ASTN2: variants seen among roughly 807,000 people sequenced by gnomAD.
ASTN2 encodes astrotactin 2, also known as astrotactin-2.
ASTN2 carries 54 observed loss-of-function variants against 139.8 expected under a neutral mutation model. The ratio of observed to expected loss-of-function variants is 0.39; its 90% CI spans 0.31 to 0.48. The LOEUF is 0.48. Ranked by LOEUF, ASTN2 falls within the 20% of genes least tolerant of loss-of-function variation. The pLI, the probability that ASTN2 is intolerant of heterozygous loss-of-function variation, is 0.95. For synonymous variants in ASTN2, 756 were observed against 719.5 expected, an observed-to-expected ratio of 1.05 and a Z score of -0.81; for missense variants, 1,565 against 1,725.1, an observed-to-expected ratio of 0.91 and a Z score of 1.64.
chr9:117,116,834 C>CAAAAAAAAAAA (rs72075422), intron 4 of ASTN2, among the ~76,000 whole-genome samples: 17 of 45,188 alleles, frequency 3.8e-4, no homozygotes, highest in East Asian at 7.8e-4. Context: ...TGGCATGAGC[C>CAAAAAAAAAAA]AAAAAAAAAA....
chr9:117,169,243 G>A (rs1830736926), intron 3 of ASTN2, among the ~76,000 whole-genome samples: 1 of 152,118 alleles, frequency 6.6e-6, no homozygotes, highest in African/African-American at 2.4e-5. Context: ...TCCACCCAGG[G>A]GGTCTTTCTG....
At chr9:116,700,345 C>G (rs1213963629) in intron 16 of ASTN2, 1 of 167,874 alleles carries the variant, frequency 6.0e-6, no homozygotes. Flanking sequence ...TTGAGAATTG[C>G]AGATGTGACA....
At chr9:116,827,306 T>TC (rs372957184) in intron 11 of ASTN2, among the ~76,000 whole-genome samples, 2 of 48,728 alleles carry the variant, frequency 4.1e-5, no homozygotes, top group African/African-American at 1.5e-4. Context: ...CAAAACTCCA[T>TC]CCCCCCCAAA....
At chr9:116,936,028 T>A (rs900513101) in intron 10 of ASTN2, among the ~76,000 whole-genome samples, 1 of 9,622 alleles carries the variant, frequency 1.0e-4, no homozygotes, top group South Asian at 2.6e-3. Context: ...GGCTTTGGTG[T>A]CAGTGGTCTT....
In ASTN2 at chr9:117,185,707, T is replaced by G. The variant is rs552857948; in HGVS notation, c.1015+28651A>C. Among the ~76,000 whole-genome samples, 3 of 152,224 alleles carry G rather than the reference T, an allele frequency of 2.0e-5. No individual in the cohort carries two copies. The East Asian group carries it at 5.8e-4, about 29-fold the overall frequency. On this transcript the variant is annotated intron_variant, in intron 3 of 22. Coordinates refer to ENST00000313400, the MANE Select transcript of ASTN2 (RefSeq NM_001365068.1). ...GAGTCAGAGGCAGGCAGAGCATGTC[T>G]CACAAGGAATGGAGATGGGCTAGGC...
intron 16 of ASTN2, 124 bp from the exon 17 acceptor site, chr9:116,651,917 T>C: frequency 8.3e-7 from 1 of 1,201,592 alleles, no homozygotes; most frequent in Non-Finnish European, 1.1e-6. Flanking sequence ...AAAAAGATGA[T>C]AGAGTGATTT....
chr9:117,104,861 A>G (rs1829065444), intron 4 of ASTN2, among the ~76,000 whole-genome samples: 1 of 152,100 alleles, frequency 6.6e-6, no homozygotes, highest in South Asian at 2.1e-4. Flanking sequence ...TACTCACTTG[A>G]CCTTTAACGT....
At chr9:117,248,690 G>T (rs1459445750) in intron 2 of ASTN2, among the ~76,000 whole-genome samples, 1 of 152,204 alleles carries the variant, frequency 6.6e-6, no homozygotes, top group African/African-American at 2.4e-5. Context: ...TGTAGTTTCT[G>T]CACAGTTTGT....
chr9:117,092,423 C>T (rs147758244), intron 5 of ASTN2, among the ~76,000 whole-genome samples: 1 of 152,242 alleles, frequency 6.6e-6, no homozygotes, highest in African/African-American at 2.4e-5. Flanking sequence ...GCCAAGGTCA[C>T]ACAGAAACGT....
intron 20 of ASTN2, among the ~76,000 whole-genome samples, chr9:116,450,424 G>C (rs1183861296): frequency 1.3e-5 from 2 of 152,148 alleles, no homozygotes; most frequent in African/African-American, 4.8e-5. Flanking sequence ...CTATTTTACA[G>C]TTAGGATCAG....
rs1828208893 is a variant in ASTN2 at position 116,712,956 on chromosome 9, TG to T, written c.2806+12814del. Among the ~76,000 whole-genome samples the T allele has an allele frequency of 5.9e-5, 9 of 152,108 alleles. 1 individual carries two copies. In the South Asian group the frequency reaches 1.9e-3, roughly 32 times the overall value. ...ATTCTCAGTACATGTCATGTGGACT[TG>T]GGAGTCAGACAGTCCTGAGATGGAA... On this transcript the variant is annotated intron_variant, in intron 16 of 22. Transcript: ENST00000313400.
At chr9:116,878,648 C>T (rs1833367018) in intron 10 of ASTN2, among the ~76,000 whole-genome samples, 1 of 151,980 alleles carries the variant, frequency 6.6e-6, no homozygotes. Flanking sequence ...CACTATGGCA[C>T]ACATTTACCT....
At chr9:116,466,772 G>T (rs966969603) in intron 20 of ASTN2, among the ~76,000 whole-genome samples, 4 of 152,152 alleles carry the variant, frequency 2.6e-5, no homozygotes, top group Non-Finnish European at 4.4e-5. Context: ...GTCATGCCTG[G>T]TGCTAAAAAC....
chr9:116,996,147 C>A (rs570778211), intron 7 of ASTN2, among the ~76,000 whole-genome samples: 1 of 152,126 alleles, frequency 6.6e-6, no homozygotes, highest in African/African-American at 2.4e-5. Context: ...ACCTTGGCCT[C>A]CCAAAGTGCT....
At chr9:116,803,481 A>AATTATATATAT (rs1830924852) in intron 13 of ASTN2, among the ~76,000 whole-genome samples, 1 of 80,110 alleles carries the variant, frequency 1.2e-5, no homozygotes, top group African/African-American at 4.1e-5. Flanking sequence ...AAGTTCGAAT[A>AATTATATATAT]ATATATATAT....
chr9:117,242,900 C>T (rs1375896606), intron 2 of ASTN2, among the ~76,000 whole-genome samples: 1 of 152,222 alleles, frequency 6.6e-6, no homozygotes, highest in African/African-American at 2.4e-5. Flanking sequence ...TAAACTATAG[C>T]CTTCCAGTTT....
In ASTN2 at chr9:116,732,373, C is replaced by T. The variant is rs374818235; in HGVS notation, c.2521+1026G>A. Among the ~76,000 whole-genome samples the T allele has an allele frequency of 1.5e-4, 23 of 152,276 alleles. No individual in the cohort carries two copies. In the East Asian group the frequency reaches 3.9e-3, roughly 26 times the overall value. ...CATCTATGCTCTTTTACAGGAAAGGCTCACGGGAGTTAGATGACTCTTTTG... is the reference window on the plus strand; with the variant it reads ...CATCTATGCTCTTTTACAGGAAAGGTTCACGGGAGTTAGATGACTCTTTTG... On this transcript the variant is annotated intron_variant, in intron 14 of 22. Transcript: ENST00000313400.
intron 1 of ASTN2, 117 bp from the exon 2 acceptor site, chr9:117,291,630 C>A (rs1834596925): frequency 2.5e-6 from 2 of 806,672 alleles, no homozygotes; most frequent in East Asian, 5.4e-5. Flanking sequence ...GCCAGGATAC[C>A]TTTCCTCACA....
At chr9:117,004,112 G>T (rs1837288528) in intron 7 of ASTN2, among the ~76,000 whole-genome samples, 1 of 151,756 alleles carries the variant, frequency 6.6e-6, no homozygotes, top group African/African-American at 2.4e-5. Flanking sequence ...TCTCCAGTTG[G>T]GCTATTTATT....
Sources: allele counts gnomAD v4.1 joint callset (sites outside exome capture counted in the v4.1 genomes callset), GRCh38; gene constraint gnomAD v4.1.1; transcripts MANE v1.5; gene names NCBI Gene and HGNC (gene_info 2026-07-23, HGNC 2026-07-21).